Variants in ZDHHC14 observed in about 807,000 individuals in gnomAD.
The protein encoded by ZDHHC14 is palmitoyltransferase ZDHHC14.
In ZDHHC14, 16 loss-of-function variants were observed where a neutral mutation model predicts 47.7. The observed-to-expected ratio is 0.34, with a 90% CI of 0.23 to 0.51. ZDHHC14 has a LOEUF of 0.51. Ranked by LOEUF, ZDHHC14 falls within the 20% of genes least tolerant of loss-of-function variation. The pLI is 0.97. For missense variants in ZDHHC14, 515 were observed against 662.5 expected (o/e 0.78, Z 2.44); for synonymous variants, 293 against 278.9 (o/e 1.05, Z -0.50).
chr6:157,623,539 CTTT>C (rs1194920593), intron 3 of ZDHHC14, among the ~76,000 whole-genome samples: 5 of 126,202 alleles, frequency 4.0e-5, no homozygotes, highest in Admixed American at 8.0e-5. Flanking sequence ...ACTCATACAT[CTTT>C]TTTTTTTTTT....
chr6:157,406,757 C>T (rs1451102775), intron 1 of ZDHHC14, among the ~76,000 whole-genome samples: 1 of 152,224 alleles, frequency 6.6e-6, no homozygotes, highest in African/African-American at 2.4e-5. Context: ...ACTTGTAAAG[C>T]CCTTGTTCAG....
chr6:157,386,016 T>A (rs181163428), intron 1 of ZDHHC14, among the ~76,000 whole-genome samples: 32 of 152,328 alleles, frequency 2.1e-4, no homozygotes, highest in Middle Eastern at 3.4e-3. Context: ...TACAGTACAG[T>A]ATACGGTATA....
chr6:157,659,721 C>T (rs989859745), intron 8 of ZDHHC14, among the ~76,000 whole-genome samples: 3 of 152,220 alleles, frequency 2.0e-5, no homozygotes, highest in Non-Finnish European at 4.4e-5. Context: ...GCAGCACCGT[C>T]GCTAAGAGCA....
chr6:157,561,944 T>TTTTAA, intron 2 of ZDHHC14, among the ~76,000 whole-genome samples: 1 of 151,654 alleles, frequency 6.6e-6, no homozygotes, highest in Non-Finnish European at 1.5e-5. Flanking sequence ...GCAGAATACA[T>TTTTAA]AGATGTTCTC....
intron 1 of ZDHHC14, among the ~76,000 whole-genome samples, chr6:157,394,693 C>T (rs959459509): frequency 2.0e-5 from 3 of 152,222 alleles, no homozygotes; most frequent in African/African-American, 7.2e-5. Flanking sequence ...TCCTGCGGCG[C>T]TCTGCCTAAA....
intron 2 of ZDHHC14, among the ~76,000 whole-genome samples, chr6:157,566,981 G>A (rs1782928718): frequency 1.3e-5 from 2 of 151,742 alleles, no homozygotes; most frequent in Admixed American, 6.6e-5. Flanking sequence ...CTCCAGAGTA[G>A]CTGGGATTAC....
chr6:157,395,792 CAA>C (rs1186869019), intron 1 of ZDHHC14, among the ~76,000 whole-genome samples: 23 of 106,934 alleles, frequency 2.2e-4, no homozygotes, highest in African/African-American at 2.7e-4. Context: ...GACTCCATCT[CAA>C]AAAAAAAAAA....
chr6:157,555,249 A>G (rs1325340177), intron 2 of ZDHHC14, among the ~76,000 whole-genome samples: 1 of 152,234 alleles, frequency 6.6e-6, no homozygotes, highest in Non-Finnish European at 1.5e-5. Flanking sequence ...GTGAATGCCA[A>G]CAAAAAGTTC....
Position 157,579,190 on chromosome 6 carries a change from G to GTTTTTTTTTT in ZDHHC14, c.407-13781_407-13772dup, listed in dbSNP as rs1187065924. 1.1e-4 allele frequency among the ~76,000 whole-genome samples: 7 copies of GTTTTTTTTTT among 63,968 alleles called. 2 individuals are homozygous for GTTTTTTTTTT. Among genetic ancestry groups the GTTTTTTTTTT allele is most frequent in the Admixed American group, 4.4e-4 (2 of 4,528 alleles). 42.0% of individuals were successfully genotyped at this position (63,968 alleles called of 152,430 possible). A position where few individuals can be genotyped will look rare whatever the true frequency, so the allele number is the denominator to read the frequency against. ...GCCATTTTAATGATATTGATTCTGT[G>GTTTTTTTTTT]TTTTTTTTTTTTTTTTTTTTTTTTT... is the stretch of plus-strand genomic sequence containing the variant. On this transcript the variant is annotated intron_variant, in intron 2 of 8. Coordinates refer to ENST00000359775, the MANE Select transcript of ZDHHC14 (RefSeq NM_024630.3).
At chr6:157,489,470 T>G (rs149126309) in intron 1 of ZDHHC14, among the ~76,000 whole-genome samples, 5 of 152,332 alleles carry the variant, frequency 3.3e-5, no homozygotes, top group African/African-American at 9.6e-5. Flanking sequence ...GTTGTTTTTA[T>G]TGAATGTTTA....
At chr6:157,475,574 C>T (rs1779461720) in intron 1 of ZDHHC14, among the ~76,000 whole-genome samples, 1 of 152,098 alleles carries the variant, frequency 6.6e-6, no homozygotes, top group Non-Finnish European at 1.5e-5. Context: ...AGACCCTTCA[C>T]CTCTTTGGTT....
intron 1 of ZDHHC14, among the ~76,000 whole-genome samples, chr6:157,512,495 C>G (rs145329266): frequency 4.9e-4 from 74 of 152,338 alleles, no homozygotes; most frequent in African/African-American, 1.7e-3. Context: ...ATGCGTGAGC[C>G]ACACACACAT....
chr6:157,573,019 C>T (rs932207145), intron 2 of ZDHHC14, among the ~76,000 whole-genome samples: 5 of 152,150 alleles, frequency 3.3e-5, no homozygotes, highest in Non-Finnish European at 7.3e-5. Flanking sequence ...CTCAAGAGAT[C>T]ATCCCACATG....
chr6:157,434,150 G>A (rs564417134), intron 1 of ZDHHC14, among the ~76,000 whole-genome samples: 2 of 151,486 alleles, frequency 1.3e-5, no homozygotes, highest in African/African-American at 2.4e-5. Context: ...GAAGAAAAAC[G>A]GTATTAGTAT....
intron 3 of ZDHHC14, among the ~76,000 whole-genome samples, chr6:157,622,148 A>G (rs1014025666): frequency 5.4e-5 from 8 of 149,210 alleles, no homozygotes; most frequent in Non-Finnish European, 1.2e-4. Context: ...AGGCAGGTGG[A>G]TCACCTGAGG....
At chr6:157,608,260 C>T (rs892640025) in intron 3 of ZDHHC14, among the ~76,000 whole-genome samples, 2 of 152,122 alleles carry the variant, frequency 1.3e-5, no homozygotes, top group Admixed American at 6.5e-5. Context: ...GAAATATCCA[C>T]TGACGGCCGA....
chr6:157,673,359 G>A lies in ZDHHC14; in HGVS notation c.*237G>A, dbSNP rs1181115222. 3.6e-6 allele frequency: 2 copies of A among 560,678 alleles called. No homozygotes were observed. The highest frequency in any genetic ancestry group is 6.0e-6 in the Non-Finnish European group (2 of 333,812). The allele number at this position is 560,678 out of a possible 1,614,324, so 34.7% of individuals were successfully genotyped here. Reference sequence around the variant, plus strand: ...GAGTGCTTTGACAACAATGGAAATAGAGAAGTGGCTGCTTTCTTTTGGTGA... The same window carrying A: ...GAGTGCTTTGACAACAATGGAAATAAAGAAGTGGCTGCTTTCTTTTGGTGA... On this transcript the variant is annotated 3_prime_UTR_variant, in exon 9 of 9. Transcript: ENST00000359775. This position sits in a 1 kb window ranked among gnomAD's most constrained non-coding sequence, Gnocchi z 5.4.
chr6:157,665,858 A>G (rs1778530931), intron 8 of ZDHHC14, among the ~76,000 whole-genome samples: 1 of 152,200 alleles, frequency 6.6e-6, no homozygotes, highest in Non-Finnish European at 1.5e-5. Flanking sequence ...GGAAGCAACA[A>G]TGTGACATCT....
intron 1 of ZDHHC14, among the ~76,000 whole-genome samples, chr6:157,450,509 T>G (rs1583655673): frequency 9.7e-6 from 1 of 102,756 alleles, no homozygotes; most frequent in East Asian, 3.3e-4. Flanking sequence ...AGCATGAGAC[T>G]CCGTCTTAAA....
Sources: gnomAD v4.1 joint callset for allele counts (sites outside exome capture counted in the v4.1 genomes callset) on GRCh38, gnomAD v4.1.1 for gene constraint, Gnocchi (gnomAD v3.1) non-coding constraint, MANE v1.5 for transcripts, NCBI Gene and HGNC (gene_info 2026-07-23, HGNC 2026-07-21) for gene names.